The following ADAMTSL3 variants were observed in gnomAD, a reference collection of about 807,000 sequenced individuals.
The protein encoded by ADAMTSL3 is ADAMTS like 3.
Under a neutral mutation model 201.7 loss-of-function variants are expected in ADAMTSL3, and 128 were observed. The ratio of observed to expected loss-of-function variants is 0.63; its 90% CI spans 0.55 to 0.73. The LOEUF (loss-of-function observed/expected upper bound fraction) is 0.73, where lower values mean the gene tolerates loss of function less well. ADAMTSL3 is among the 30% of genes least tolerant of loss of function. The pLI is 0.00. For synonymous variants in ADAMTSL3, 738 were observed against 748.4 expected, an observed-to-expected ratio of 0.99 and a Z score of 0.23; for missense variants, 1,990 against 2,119.6, an observed-to-expected ratio of 0.94 and a Z score of 1.20.
chr15:84,030,419 C>T (rs1188874662), intron 27 of ADAMTSL3, among the ~76,000 whole-genome samples: 1 of 152,180 alleles, frequency 6.6e-6, no homozygotes, highest in African/African-American at 2.4e-5. Context: ...CATATCGGAA[C>T]TTTAAGATTT....
intron 21 of ADAMTSL3, among the ~76,000 whole-genome samples, chr15:83,983,930 G>T (rs2067432910): frequency 6.6e-6 from 1 of 152,126 alleles, no homozygotes; most frequent in Non-Finnish European, 1.5e-5. Flanking sequence ...CTTGTCAAAA[G>T]CTTGGGTATC....
At chr15:83,823,964 CTTCTT>C (rs1567169956) in intron 6 of ADAMTSL3, among the ~76,000 whole-genome samples, 58 of 84,406 alleles carry the variant, frequency 6.9e-4, no homozygotes, top group African/African-American at 1.9e-3. Flanking sequence ...TCTTCTTCTT[CTTCTT>C]CTTCTCCTCC....
At chr15:83,838,279 A>G in intron 7 of ADAMTSL3, 64 bp downstream of exon 7, 1 of 1,530,034 alleles carries the variant, frequency 6.5e-7, no homozygotes, top group Non-Finnish European at 8.8e-7. Flanking sequence ...GTCTATTGCT[A>G]GAATAACATT....
At chr15:83,801,675 T>TATAA (rs1314743795) in intron 4 of ADAMTSL3, among the ~76,000 whole-genome samples, 1 of 59,908 alleles carries the variant, frequency 1.7e-5, no homozygotes, top group South Asian at 5.6e-4. Context: ...TATATATATA[T>TATAA]ATATATATAT....
intron 3 of ADAMTSL3, among the ~76,000 whole-genome samples, chr15:83,705,427 G>T (rs900556252): frequency 4.6e-5 from 7 of 152,124 alleles, no homozygotes; most frequent in Non-Finnish European, 1.0e-4. Flanking sequence ...ATCCTGGTTT[G>T]ATTTAGGTAA....
intron 2 of ADAMTSL3, among the ~76,000 whole-genome samples, chr15:83,672,758 T>A (rs949787812): frequency 6.6e-6 from 1 of 152,152 alleles, no homozygotes; most frequent in Non-Finnish European, 1.5e-5. Context: ...GGTGGGACAT[T>A]TGCAACGTTG....
At chr15:83,896,885 T>G (rs942470962) in intron 13 of ADAMTSL3, among the ~76,000 whole-genome samples, 4 of 152,096 alleles carry the variant, frequency 2.6e-5, no homozygotes, top group Non-Finnish European at 4.4e-5. Context: ...GAGGGTGAAG[T>G]AGAAGCAAGT....
chr15:83,853,942 AT>A (rs1283452440), intron 7 of ADAMTSL3, among the ~76,000 whole-genome samples: 20 of 151,124 alleles, frequency 1.3e-4, no homozygotes, highest in African/African-American at 4.2e-4. Context: ...CTATCTATCT[AT>A]CTATCTATCT....
At chr15:83,724,815 G>A (rs982659978) in intron 3 of ADAMTSL3, among the ~76,000 whole-genome samples, 1 of 152,054 alleles carries the variant, frequency 6.6e-6, no homozygotes, top group Non-Finnish European at 1.5e-5. Flanking sequence ...TTGTCTTTCT[G>A]TACCTGGTTT....
At chr15:83,970,788 A>G in intron 20 of ADAMTSL3, 151 bp downstream of exon 20, 1 of 944,632 alleles carries the variant, frequency 1.1e-6, no homozygotes, top group Non-Finnish European at 1.6e-6. Flanking sequence ...CGATCAGTAG[A>G]ACGTGGAAGA....
rs1057369076 is a variant in ADAMTSL3 at position 83,859,326 on chromosome 15, T to A, written c.802+486T>A. Among the ~76,000 whole-genome samples, 4 of 152,178 alleles carry A rather than the reference T, an allele frequency of 2.6e-5. No individual in the cohort carries two copies. The East Asian group carries it at 7.7e-4, about 29-fold the overall frequency. ...AAGACTTGGAGTCAGCAGAAAAGAATGTTAGATCTGGCCCTTGGGCGTGAT... is the reference window on the plus strand; with the variant it reads ...AAGACTTGGAGTCAGCAGAAAAGAAAGTTAGATCTGGCCCTTGGGCGTGAT... On this transcript the variant is annotated intron_variant, in intron 8 of 29. Transcript: ENST00000286744.
intron 19 of ADAMTSL3, among the ~76,000 whole-genome samples, chr15:83,950,367 G>A (rs564667322): frequency 6.6e-6 from 1 of 152,072 alleles, no homozygotes; most frequent in South Asian, 2.1e-4. Flanking sequence ...TGGTCTATGT[G>A]TCTGTTTTTA....
intron 8 of ADAMTSL3, among the ~76,000 whole-genome samples, chr15:83,869,057 C>T (rs1666648355): frequency 6.6e-6 from 1 of 152,198 alleles, no homozygotes; most frequent in South Asian, 2.1e-4. Context: ...TACTCCAACA[C>T]AGCCGCGGAA....
intron 3 of ADAMTSL3, among the ~76,000 whole-genome samples, chr15:83,747,728 G>T (rs1467967854): frequency 2.6e-5 from 4 of 152,010 alleles, no homozygotes; most frequent in Non-Finnish European, 4.4e-5. Flanking sequence ...GAATGGCTGT[G>T]GTGCAGTTTT....
intron 8 of ADAMTSL3, among the ~76,000 whole-genome samples, chr15:83,859,845 A>G (rs1319373088): frequency 1.3e-5 from 2 of 152,210 alleles, no homozygotes; most frequent in Non-Finnish European, 2.9e-5. Flanking sequence ...AATAAAAACC[A>G]AATTTTATGT....
intron 2 of ADAMTSL3, among the ~76,000 whole-genome samples, chr15:83,678,450 C>A (rs1044942052): frequency 6.6e-6 from 1 of 151,518 alleles, no homozygotes; most frequent in African/African-American, 2.4e-5. Context: ...ACTTGAAACA[C>A]GTTGTGCTAC....
chr15:83,832,810 T>C (rs544201497), intron 6 of ADAMTSL3, among the ~76,000 whole-genome samples: 100 of 152,262 alleles, frequency 6.6e-4, no homozygotes, highest in African/African-American at 2.3e-3. Context: ...CAACTTTCCA[T>C]TAACCTGAGC....
chr15:83,970,868 C>G (rs1418684275), intron 20 of ADAMTSL3, among the ~76,000 whole-genome samples: 1 of 152,200 alleles, frequency 6.6e-6, no homozygotes, highest in African/African-American at 2.4e-5. Context: ...ATCTTTTAGG[C>G]TTCCTCATTT....
chr15:83,737,840 A>G (rs938554172), intron 3 of ADAMTSL3, among the ~76,000 whole-genome samples: 2 of 152,216 alleles, frequency 1.3e-5, no homozygotes, highest in Non-Finnish European at 2.9e-5. Context: ...CTCATATTAC[A>G]AAAAGCAAAT....
Sources: gnomAD v4.1 joint callset for allele counts (sites outside exome capture counted in the v4.1 genomes callset) on GRCh38, gnomAD v4.1.1 for gene constraint, MANE v1.5 for transcripts, NCBI Gene and HGNC (gene_info 2026-07-23, HGNC 2026-07-21) for gene names.